The following GPRASP3 variants were observed in gnomAD, a reference collection of about 807,000 sequenced individuals.
GPRASP3 encodes G protein-coupled receptor associated sorting protein 3.
chrX:102,745,324 G>A, the GPRASP3 span, among the ~76,000 whole-genome samples: 1 of 111,706 alleles, frequency 9.0e-6, no homozygotes, highest in East Asian at 2.8e-4. Flanking sequence ...AATGAGTCTG[G>A]TACAGACCAG....
the GPRASP3 span, among the ~76,000 whole-genome samples, chrX:102,740,294 CAGAG>C: frequency 1.8e-5 from 2 of 110,879 alleles, no homozygotes; most frequent in African/African-American, 3.3e-5. Flanking sequence ...GAGAGACTGA[CAGAG>C]AGAGAGAGAT....
the GPRASP3 span, among the ~76,000 whole-genome samples, chrX:102,746,989 G>T: frequency 8.9e-6 from 1 of 111,999 alleles, no homozygotes; most frequent in Non-Finnish European, 1.9e-5. Flanking sequence ...ATGTAATGAT[G>T]TGTGAGAATG....
the GPRASP3 span, among the ~76,000 whole-genome samples, chrX:102,733,301 CA>C: frequency 9.2e-6 from 1 of 109,248 alleles, no homozygotes; most frequent in Admixed American, 9.8e-5. Flanking sequence ...ACTAAAAATA[CA>C]AAAAAAATTA....
At chrX:102,729,570 C>A in the GPRASP3 span, among the ~76,000 whole-genome samples, 1 of 112,261 alleles carries the variant, frequency 8.9e-6, no homozygotes, top group Admixed American at 9.4e-5. Flanking sequence ...TGCTAGAAAT[C>A]AAAAATACTG....
At chrX:102,743,907 A>G in the GPRASP3 span, among the ~76,000 whole-genome samples, 5 of 111,358 alleles carry the variant, frequency 4.5e-5, no homozygotes, top group African/African-American at 1.6e-4. Flanking sequence ...TACAATAGTG[A>G]TGTTATCTGC....
At chrX:102,749,100 G>T in the GPRASP3 span, 3 of 1,212,107 alleles carry the variant, frequency 2.5e-6, no homozygotes, top group South Asian at 5.3e-5. Context: ...GTGTTGTTAG[G>T]CCTGTAGCCA....
chrX:102,721,745 A>C, the GPRASP3 span, among the ~76,000 whole-genome samples: 5 of 110,766 alleles, frequency 4.5e-5, no homozygotes, highest in African/African-American at 6.6e-5. Flanking sequence ...CTTTCTGGGG[A>C]CCACCTACAG....
the GPRASP3 span, among the ~76,000 whole-genome samples, chrX:102,743,909 G>A: frequency 9.0e-6 from 1 of 111,418 alleles, no homozygotes; most frequent in African/African-American, 3.3e-5. Context: ...CAATAGTGAT[G>A]TTATCTGCAG....
the GPRASP3 span, among the ~76,000 whole-genome samples, chrX:102,729,228 A>T: frequency 2.7e-5 from 3 of 111,656 alleles, no homozygotes; most frequent in African/African-American, 9.8e-5. Context: ...TCATTTTTTA[A>T]AAAAAAAGCC....
chrX:102,750,229 A>G, the GPRASP3 span: 1 of 1,199,908 alleles, frequency 8.3e-7, no homozygotes, highest in Non-Finnish European at 1.1e-6. Context: ...GTGTAAAGAA[A>G]CCATGTCATT....
At chrX:102,724,925 C>T in the GPRASP3 span, among the ~76,000 whole-genome samples, 1 of 111,216 alleles carries the variant, frequency 9.0e-6, no homozygotes, top group Non-Finnish European at 1.9e-5. Flanking sequence ...ATAGAGGCTA[C>T]TTCAGATGTC....
the GPRASP3 span, among the ~76,000 whole-genome samples, chrX:102,739,624 C>T: frequency 9.0e-6 from 1 of 111,566 alleles, no homozygotes; most frequent in African/African-American, 3.3e-5. Context: ...GGGTGGGATT[C>T]TTGAAGGACC....
the GPRASP3 span, among the ~76,000 whole-genome samples, chrX:102,727,660 C>T: frequency 2.8e-4 from 31 of 112,486 alleles, no homozygotes; most frequent in Non-Finnish European, 1.7e-4. Context: ...AGCACAGTGA[C>T]ACTGACTTAG....
the GPRASP3 span, among the ~76,000 whole-genome samples, chrX:102,740,878 GA>G: frequency 9.1e-6 from 1 of 109,478 alleles, no homozygotes; most frequent in South Asian, 4.0e-4. Flanking sequence ...AGAAAGAAAA[GA>G]AAAGAAAAAG....
the GPRASP3 span, among the ~76,000 whole-genome samples, chrX:102,728,295 T>C: frequency 8.9e-6 from 1 of 111,786 alleles, no homozygotes; most frequent in African/African-American, 3.3e-5. Flanking sequence ...CAAGTGACCC[T>C]CCCACCTTGG....
chrX:102,742,886 C>T, the GPRASP3 span, among the ~76,000 whole-genome samples: 1 of 111,899 alleles, frequency 8.9e-6, no homozygotes, highest in South Asian at 3.8e-4. Flanking sequence ...CCATTGTGGT[C>T]GGGGCACAGC....
the GPRASP3 span, chrX:102,749,934 T>G: frequency 2.5e-6 from 3 of 1,209,988 alleles, no homozygotes; most frequent in Non-Finnish European, 3.4e-6. Flanking sequence ...TTGCTTGTCC[T>G]TGCAAAATGG....
chrX:102,729,731 G>A, the GPRASP3 span, among the ~76,000 whole-genome samples: 21 of 111,803 alleles, frequency 1.9e-4, no homozygotes, highest in African/African-American at 5.5e-4. Context: ...TTAGCTGGGC[G>A]TGGTGGCGGG....
At chrX:102,722,705 C>G in the GPRASP3 span, among the ~76,000 whole-genome samples, 1 of 111,766 alleles carries the variant, frequency 8.9e-6, no homozygotes, top group Non-Finnish European at 1.9e-5. Context: ...GTCTTAGTGT[C>G]AAGAACTTGA....
Sources: gnomAD v4.1 joint callset for allele counts (sites outside exome capture counted in the v4.1 genomes callset) on GRCh38, gnomAD v4.1.1 for gene constraint, MANE v1.5 for transcripts, NCBI Gene and HGNC (gene_info 2026-07-23, HGNC 2026-07-21) for gene names.